Variants in PDE4B observed in about 807,000 individuals in gnomAD.
PDE4B encodes the protein 3',5'-cyclic-AMP phosphodiesterase 4B.
Under a neutral mutation model 82.2 loss-of-function variants are expected in PDE4B, and 20 were observed. That is an observed-to-expected ratio of 0.24 (90% CI 0.17 to 0.35). The LOEUF (loss-of-function observed/expected upper bound fraction) is 0.35, where lower values mean the gene tolerates loss of function less well. PDE4B is among the 10% of genes least tolerant of loss of function. The pLI is 1.00. For missense variants in PDE4B, 655 were observed against 907.2 expected, an observed-to-expected ratio of 0.72 and a Z score of 3.57; for synonymous variants, 320 against 318.9, an observed-to-expected ratio of 1.00 and a Z score of -0.04.
intron 3 of PDE4B, among the ~76,000 whole-genome samples, chr1:66,039,575 A>G (rs1372072247): frequency 2.0e-5 from 3 of 151,936 alleles, no homozygotes; most frequent in East Asian, 3.9e-4. Context: ...CTATATATCT[A>G]TAATCTTTCT....
intron 3 of PDE4B, among the ~76,000 whole-genome samples, chr1:66,146,308 C>A (rs1006202557): frequency 2.0e-5 from 3 of 151,448 alleles, no homozygotes; most frequent in Admixed American, 1.3e-4. Context: ...CTCAGCCTCC[C>A]GAGTAGCTGG....
chr1:66,354,969 C>T, intron 8 of PDE4B: 1 of 1,299,952 alleles, frequency 7.7e-7, no homozygotes, highest in Non-Finnish European at 1.1e-6. Flanking sequence ...TTGTGAAGTA[C>T]AGGACATCTG....
chr1:65,885,068 C>T (rs1646756846), intron 1 of PDE4B, among the ~76,000 whole-genome samples: 1 of 152,182 alleles, frequency 6.6e-6, no homozygotes, highest in African/African-American at 2.4e-5. Flanking sequence ...ACAGACACTT[C>T]TCAAAAGAGG....
chr1:65,890,567 T>A (rs1235878077), intron 1 of PDE4B, among the ~76,000 whole-genome samples: 1 of 152,040 alleles, frequency 6.6e-6, no homozygotes, highest in East Asian at 1.9e-4. Context: ...TCACTCTAGC[T>A]TTGGAGACAG....
At chr1:65,976,753 TGTG>T (rs1224056041) in intron 3 of PDE4B, among the ~76,000 whole-genome samples, 2 of 152,218 alleles carry the variant, frequency 1.3e-5, no homozygotes, top group Non-Finnish European at 2.9e-5. Context: ...CCTGCCCACT[TGTG>T]GTAAGACGTG....
At chr1:66,363,354 C>T in intron 11 of PDE4B, 53 bp from the exon 12 acceptor site, 3 of 1,559,372 alleles carry the variant, frequency 1.9e-6, no homozygotes, top group Admixed American at 1.8e-5. Context: ...ATTTAACTTT[C>T]CTCGACTTTT....
chr1:65,991,453 G>A (rs1651238866), intron 3 of PDE4B, among the ~76,000 whole-genome samples: 1 of 151,934 alleles, frequency 6.6e-6, no homozygotes, highest in Non-Finnish European at 1.5e-5. Flanking sequence ...CTTTTTCACT[G>A]AAGTCTTACC....
At chr1:65,893,781 A>G (rs180889650) in intron 1 of PDE4B, among the ~76,000 whole-genome samples, 4 of 152,250 alleles carry the variant, frequency 2.6e-5, no homozygotes, top group Non-Finnish European at 4.4e-5. Context: ...AAATTGTGGT[A>G]TATATATGTA....
intron 9 of PDE4B, among the ~76,000 whole-genome samples, chr1:66,358,846 G>A (rs1662520775): frequency 6.6e-6 from 1 of 152,122 alleles, no homozygotes; most frequent in South Asian, 2.1e-4. Flanking sequence ...GTCATCCAGG[G>A]AGGAGGGAAA....
intron 8 of PDE4B, among the ~76,000 whole-genome samples, chr1:66,342,878 T>C (rs1661107367): frequency 2.6e-5 from 4 of 152,138 alleles, no homozygotes; most frequent in African/African-American, 9.7e-5. Flanking sequence ...ACCCTGTCTC[T>C]ACTAAAAATA....
intron 3 of PDE4B, among the ~76,000 whole-genome samples, chr1:65,963,425 T>C (rs1430057010): frequency 6.6e-6 from 1 of 152,218 alleles, no homozygotes; most frequent in Non-Finnish European, 1.5e-5. Context: ...GCATTAATGC[T>C]TGAGGTGTCC....
chr1:66,234,065 G>C (rs1266664790), intron 3 of PDE4B, among the ~76,000 whole-genome samples: 1 of 152,184 alleles, frequency 6.6e-6, no homozygotes, highest in Non-Finnish European at 1.5e-5. Context: ...CTAAAATGAT[G>C]TGTAGAGTCA....
rs373094818 is a variant in PDE4B at position 65,908,359 on chromosome 1, T to A, written c.-70-4886T>A. ...ATGTAGTTTGATTCACATAGCAGAA[T>A]TTAGAATGATTGGCTTGGGGCTGAA... is the stretch of plus-strand genomic sequence containing the variant. On this transcript the variant is annotated intron_variant, in intron 1 of 16. Transcript: ENST00000341517. Among the ~76,000 whole-genome samples the A allele has an allele frequency of 9.9e-5, 15 of 152,260 alleles. No homozygotes were observed. The East Asian group carries it at 2.7e-3, about 27-fold the overall frequency.
chr1:65,946,800 C>T (rs1373001638), intron 3 of PDE4B, among the ~76,000 whole-genome samples: 6 of 151,952 alleles, frequency 3.9e-5, no homozygotes, highest in Admixed American at 2.0e-4. Flanking sequence ...AAAGTTACAC[C>T]TCTTTGCATC....
At chr1:66,120,840 T>C (rs542260366) in intron 3 of PDE4B, among the ~76,000 whole-genome samples, 1 of 152,322 alleles carries the variant, frequency 6.6e-6, no homozygotes, top group East Asian at 1.9e-4. Flanking sequence ...GGGACCTCTG[T>C]GGACATTATG....
chr1:66,093,172 G>T (rs1645056625), intron 3 of PDE4B, among the ~76,000 whole-genome samples: 1 of 152,006 alleles, frequency 6.6e-6, no homozygotes, highest in African/African-American at 2.4e-5. Flanking sequence ...AGAAGCTGAA[G>T]TCCAGCAGCA....
At chr1:65,804,365 G>A (rs1452291420) in intron 1 of PDE4B, among the ~76,000 whole-genome samples, 1 of 152,216 alleles carries the variant, frequency 6.6e-6, no homozygotes, top group African/African-American at 2.4e-5. Context: ...AGGAACAAAG[G>A]TGGTTAGTTA....
chr1:66,122,703 C>CTTT (rs3036785), intron 3 of PDE4B, among the ~76,000 whole-genome samples: 26 of 111,954 alleles, frequency 2.3e-4, no homozygotes, highest in South Asian at 2.9e-4. Flanking sequence ...CTCTTCTTTT[C>CTTT]TTTTTTTTTT....
chr1:66,338,827 G>A (rs1258592332), intron 8 of PDE4B, among the ~76,000 whole-genome samples: 2 of 151,818 alleles, frequency 1.3e-5, no homozygotes, highest in African/African-American at 4.8e-5. Context: ...GACCATCCCG[G>A]CTAAAACGGT....
Sources: gnomAD v4.1 joint callset for allele counts (sites outside exome capture counted in the v4.1 genomes callset) on GRCh38, gnomAD v4.1.1 for gene constraint, MANE v1.5 for transcripts, NCBI Gene and HGNC (gene_info 2026-07-23, HGNC 2026-07-21) for gene names.